Variants in SLC8A1 observed in about 807,000 individuals in gnomAD.
SLC8A1 encodes sodium/calcium exchanger 1.
SLC8A1 carries 18 observed loss-of-function variants against 68.3 expected under a neutral mutation model. That is an observed-to-expected ratio of 0.26 (90% CI 0.18 to 0.39). SLC8A1 has a LOEUF of 0.39. Ranked by LOEUF, SLC8A1 falls within the 10% of genes least tolerant of loss-of-function variation. The probability of loss-of-function intolerance (pLI) is 1.00; values close to 1 mark genes in which losing one functional copy is unlikely to be tolerated. For synonymous variants in SLC8A1, 475 were observed against 415.5 expected (o/e 1.14, Z -1.74); for missense variants, 985 against 1,156.7 (o/e 0.85, Z 2.15).
At chr2:40,115,589 A>G in exon 8 of SLC8A1, 1 of 1,612,738 alleles carries the variant, frequency 6.2e-7, no homozygotes, top group Non-Finnish European at 8.5e-7. Context: ...AGGCGTCTGC[A>G]TACTGGTCCT....
chr2:40,154,350 C>T (rs2148403065), intron 6 of SLC8A1, among the ~76,000 whole-genome samples: 1 of 123,668 alleles, frequency 8.1e-6, no homozygotes, highest in African/African-American at 3.1e-5. Context: ...GTCACCCAGG[C>T]TGGAGTGCAG....
intron 1 of SLC8A1, among the ~76,000 whole-genome samples, chr2:40,471,370 T>C (rs1703979854): frequency 6.6e-6 from 1 of 152,042 alleles, no homozygotes; most frequent in Non-Finnish European, 1.5e-5. Context: ...CTGACAAGCC[T>C]GTGTGACAAT....
chr2:40,490,106 G>A (rs919584348), intron 1 of SLC8A1, among the ~76,000 whole-genome samples: 2 of 152,050 alleles, frequency 1.3e-5, no homozygotes. Flanking sequence ...CTTCCACCAT[G>A]AAACTAGTGA....
At chr2:40,262,795 C>T (rs905770839) in intron 2 of SLC8A1, among the ~76,000 whole-genome samples, 3 of 152,108 alleles carry the variant, frequency 2.0e-5, no homozygotes, top group Non-Finnish European at 1.5e-5. Flanking sequence ...TTGCCCTAAA[C>T]AAATGATACA....
At chr2:40,099,688 A>T (rs990235585) in exon 8 of SLC8A1, 3 of 152,014 alleles carry the variant, frequency 2.0e-5, no homozygotes, top group African/African-American at 7.2e-5. Context: ...GGTTTCTGGC[A>T]TTATGATATG....
chr2:40,291,907 T>C (rs1217880956), intron 2 of SLC8A1, among the ~76,000 whole-genome samples: 1 of 151,422 alleles, frequency 6.6e-6, no homozygotes, highest in East Asian at 1.9e-4. Context: ...TCTTTACTTT[T>C]TTTTTTTTTT....
At chr2:40,432,182 C>G (rs548080990) in intron 1 of SLC8A1, among the ~76,000 whole-genome samples, 2 of 151,820 alleles carry the variant, frequency 1.3e-5, no homozygotes, top group Non-Finnish European at 2.9e-5. Flanking sequence ...TCCATTTCAT[C>G]CACAATATTT....
intron 1 of SLC8A1, among the ~76,000 whole-genome samples, chr2:40,467,371 C>T (rs977075879): frequency 2.0e-5 from 3 of 152,098 alleles, no homozygotes; most frequent in African/African-American, 4.8e-5. Context: ...CCCCATAAAG[C>T]ACTACCCTAT....
At chr2:40,309,716 G>A (rs549485212) in intron 2 of SLC8A1, among the ~76,000 whole-genome samples, 1 of 152,200 alleles carries the variant, frequency 6.6e-6, no homozygotes, top group South Asian at 2.1e-4. Context: ...ATGTTGGCCA[G>A]GCTGGTCTCA....
intron 2 of SLC8A1, among the ~76,000 whole-genome samples, chr2:40,336,262 G>A (rs754535778): frequency 8.2e-4 from 125 of 152,136 alleles, no homozygotes; most frequent in Non-Finnish European, 1.2e-3. Flanking sequence ...TCACTTGAAG[G>A]TGGGAAACAT....
At chr2:40,499,281 T>C (rs564687567) in intron 1 of SLC8A1, among the ~76,000 whole-genome samples, 1 of 152,252 alleles carries the variant, frequency 6.6e-6, no homozygotes, top group East Asian at 1.9e-4. Context: ...TCTACTGTAA[T>C]TAGCTGTGTA....
At chr2:40,290,485 A>G (rs991501972) in intron 2 of SLC8A1, among the ~76,000 whole-genome samples, 4 of 152,160 alleles carry the variant, frequency 2.6e-5, no homozygotes, top group Non-Finnish European at 4.4e-5. Context: ...AAAAGACGGC[A>G]GCAGAGTCTG....
At chr2:40,307,235 C>A (rs2072822756) in intron 2 of SLC8A1, among the ~76,000 whole-genome samples, 1 of 151,846 alleles carries the variant, frequency 6.6e-6, no homozygotes, top group Non-Finnish European at 1.5e-5. Flanking sequence ...AGGAAGAAAT[C>A]CCTGTCACAT....
intron 1 of SLC8A1, among the ~76,000 whole-genome samples, chr2:40,490,406 T>C (rs1705236716): frequency 6.6e-6 from 1 of 152,154 alleles, no homozygotes; most frequent in Non-Finnish European, 1.5e-5. Context: ...GCTATAATTG[T>C]TTCTCCAACT....
intron 1 of SLC8A1, among the ~76,000 whole-genome samples, chr2:40,505,725 A>G (rs891907417): frequency 2.6e-5 from 4 of 152,002 alleles, no homozygotes; most frequent in Non-Finnish European, 4.4e-5. Flanking sequence ...CTGTACTTTT[A>G]GAATCACTAT....
chr2:40,371,726 G>A (rs1445365670), intron 2 of SLC8A1, among the ~76,000 whole-genome samples: 5 of 152,110 alleles, frequency 3.3e-5, no homozygotes, highest in Admixed American at 3.3e-4. Flanking sequence ...AACTGTCTTT[G>A]AGATGGGATG....
chr2:40,333,471 GA>G (rs2076648280), intron 2 of SLC8A1, among the ~76,000 whole-genome samples: 1 of 141,608 alleles, frequency 7.1e-6, no homozygotes, highest in South Asian at 2.2e-4. Flanking sequence ...AAAAAAAAAA[GA>G]AAAAAGTGTC....
At chr2:40,300,931 T>C (rs1365401512) in intron 2 of SLC8A1, among the ~76,000 whole-genome samples, 1 of 152,180 alleles carries the variant, frequency 6.6e-6, no homozygotes, top group African/African-American at 2.4e-5. Flanking sequence ...ATTTACTTGA[T>C]ATTTAGTAAT....
chr2:40,390,112 C>G (rs77357057), intron 2 of SLC8A1, among the ~76,000 whole-genome samples: 3,520 of 152,050 alleles, frequency 0.023, 58 homozygotes, highest in Non-Finnish European at 0.035. Flanking sequence ...AAACATTTTA[C>G]TAGAAAATCT....
Sources: gnomAD v4.1 joint callset for allele counts (sites outside exome capture counted in the v4.1 genomes callset) on GRCh38, gnomAD v4.1.1 for gene constraint, MANE v1.5 for transcripts, NCBI Gene and HGNC (gene_info 2026-07-23, HGNC 2026-07-21) for gene names.